Variants in BMS1 observed in about 807,000 individuals in gnomAD.
The protein encoded by BMS1 is ribosome biogenesis protein BMS1 homolog.
A neutral mutation model predicts 138.7 loss-of-function variants in BMS1; 53 were observed. That is an observed-to-expected ratio of 0.38 (90% CI 0.31 to 0.48). The LOEUF (loss-of-function observed/expected upper bound fraction) is 0.48, where lower values mean the gene tolerates loss of function less well. Among genes scored for constraint, BMS1 ranks in the 20% least tolerant of loss-of-function variants. The pLI is 0.97. For synonymous variants in BMS1, 504 were observed against 539.9 expected (o/e 0.93, Z 0.92); for missense variants, 1,360 against 1,565.5 (o/e 0.87, Z 2.22).
At chr10:42,794,522 G>A (rs1351729946) in intron 9 of BMS1, among the ~76,000 whole-genome samples, 1 of 150,758 alleles carries the variant, frequency 6.6e-6, no homozygotes, top group South Asian at 2.1e-4. Flanking sequence ...ATGACTCCCA[G>A]TAAAATTTAT....
chr10:42,784,205 G>T (rs1841249154), intron 1 of BMS1, among the ~76,000 whole-genome samples, 157 bp from the exon 2 acceptor site: 1 of 152,190 alleles, frequency 6.6e-6, no homozygotes, highest in Non-Finnish European at 1.5e-5. Context: ...AGAGAGAAAT[G>T]AAATTGGGGA....
At chr10:42,788,622 C>T (rs1009816692) in intron 4 of BMS1, among the ~76,000 whole-genome samples, 8 of 152,210 alleles carry the variant, frequency 5.3e-5, no homozygotes, top group Non-Finnish European at 8.8e-5. Flanking sequence ...ACCTTTCCCT[C>T]TTTGTCCCTC....
In BMS1 at chr10:42,797,037, C is replaced by T. The variant is rs1294237401; in HGVS notation, c.1793C>T (p.Ser598Phe). ...FASEDESEES[S>F]SLSAEEEDSE... ...TCTGAAGATGAATCTGAAGAAAGCT[C>T]CTCACTCAGTGCAGAGGAAGAAGAC... The change falls in exon 10 of 23, where the codon TCC becomes TTC. Residue 598 changes from serine (S) to phenylalanine (F), a missense_variant. Transcript: ENST00000374518. 1.2e-6 allele frequency: 2 copies of T among 1,613,962 alleles called. No individual in the cohort carries two copies. The highest frequency in any genetic ancestry group is 1.3e-5 in the African/African-American group (1 of 74,896).
chr10:42,834,100 G>A lies in BMS1; in HGVS notation c.*3004G>A, dbSNP rs888975243. 11 of 152,086 alleles carry A rather than the reference G, an allele frequency of 7.2e-5. No homozygotes were observed. Among genetic ancestry groups the A allele is most frequent in the African/African-American group, 2.7e-4 (11 of 41,394 alleles). 9.4% of individuals were successfully genotyped at this position (152,086 alleles called of 1,614,324 possible). The stretch of plus-strand genomic sequence containing the variant: ...CTGTTATACCTTTTCTATTTACTAG[G>A]CACAGGCAGCCATAGGTGCTAGGTA... On this transcript the variant is annotated 3_prime_UTR_variant, in exon 23 of 23. Coordinates refer to ENST00000374518, the MANE Select transcript of BMS1 (RefSeq NM_014753.4).
At chr10:42,801,046 A>C (rs1841860044) in intron 12 of BMS1, among the ~76,000 whole-genome samples, 1 of 152,140 alleles carries the variant, frequency 6.6e-6, no homozygotes, top group Admixed American at 6.5e-5. Flanking sequence ...ATTCTTTATC[A>C]ATTCTTGCTC....
Position 42,791,670 on chromosome 10 carries a change from A to T in BMS1, c.680A>T (p.Tyr227Phe). Residue 227 changes from tyrosine (Y) to phenylalanine (F), a missense_variant, in exon 6 of 23, where the codon TAT becomes TTT. Tyr to Phe is a conservative substitution (Grantham distance 22, BLOSUM62 3). Around this residue, in one of 3 missense-constraint regions of BMS1, gnomAD observed 238 missense variants for 311.1 expected, o/e 0.77. Transcript: ENST00000374518. ...FYLSGMVHGE[Y>F]QNQEIHNLGR... ...CTTTCTGGAATGGTGCATGGAGAAT[A>T]TCAAAACCAAGAAATCCACAATCTG... 6.2e-7 allele frequency: 1 copy of T among 1,613,776 alleles called. No individual in the cohort carries two copies. Among genetic ancestry groups the T allele is most frequent in the East Asian group, 2.2e-5 (1 of 44,878 alleles).
At position 42,802,202 on chromosome 10, in the gene BMS1, G is replaced by C; in HGVS notation, c.2313G>C (p.Lys771Asn). 1 of 1,613,114 alleles carries C rather than the reference G, an allele frequency of 6.2e-7. No homozygotes were observed. The highest frequency in any genetic ancestry group is 8.5e-7 in the Non-Finnish European group (1 of 1,179,456). ...GGGAAGATGATAAAGATGCAGCCAA[G>C]GTCTTAGCAGAAGATGGTAAGTAAA... is the stretch of plus-strand genomic sequence containing the variant. ...GKWEDDKDAA[K>N]VLAEDEELYG... Residue 771 changes from lysine (K) to asparagine (N), a missense_variant, in exon 13 of 23, where the codon AAG becomes AAC. Lys to Asn is a moderately conservative substitution (Grantham distance 94). This residue lies in a region of BMS1 where 697 missense variants were observed against 686.2 expected (regional missense o/e 1.02). Coordinates refer to ENST00000374518, the MANE Select transcript of BMS1 (RefSeq NM_014753.4).
At chr10:42,829,080 G>A (rs1168431033) in intron 21 of BMS1, among the ~76,000 whole-genome samples, 5 of 152,124 alleles carry the variant, frequency 3.3e-5, no homozygotes, top group African/African-American at 7.2e-5. Context: ...AAAGCCTAGG[G>A]CAAAACTTTC....
chr10:42,786,603 T>G (rs568226339), intron 3 of BMS1, among the ~76,000 whole-genome samples: 1 of 151,406 alleles, frequency 6.6e-6, no homozygotes, highest in Non-Finnish European at 1.5e-5. Flanking sequence ...TTTTTTTTTT[T>G]CTGTAGAGAT....
chr10:42,786,106 T>C (rs553759640), intron 3 of BMS1, among the ~76,000 whole-genome samples: 2 of 152,356 alleles, frequency 1.3e-5, no homozygotes, highest in South Asian at 4.1e-4. Context: ...TGACTGCTCT[T>C]TGGCTTTGCC....
At chr10:42,828,839 G>A (rs1002889236) in intron 21 of BMS1, among the ~76,000 whole-genome samples, 1 of 152,108 alleles carries the variant, frequency 6.6e-6, no homozygotes, top group Non-Finnish European at 1.5e-5. Flanking sequence ...TTTATATAAA[G>A]TAGTTAATGA....
At chr10:42,822,278 T>G (rs2795531) in intron 19 of BMS1, 94 bp downstream of exon 19, 607,927 of 709,900 alleles carry the variant, frequency 0.86, 261,124 homozygotes, top group African/African-American at 0.95. Context: ...CATATTTTTA[T>G]AAAAGTGTTT....
intron 12 of BMS1, among the ~76,000 whole-genome samples, chr10:42,800,341 G>A (rs1841832127): frequency 6.6e-6 from 1 of 152,080 alleles, no homozygotes; most frequent in South Asian, 2.1e-4. Context: ...TCCTTTTAAT[G>A]CTGTTAGATG....
intron 13 of BMS1, among the ~76,000 whole-genome samples, chr10:42,802,778 TAAA>T (rs959490030): frequency 3.1e-4 from 46 of 150,756 alleles, no homozygotes; most frequent in Non-Finnish European, 5.2e-4. Context: ...TATTTAAAAT[TAAA>T]AAATATTTTA....
intron 15 of BMS1, among the ~76,000 whole-genome samples, chr10:42,817,744 T>A (rs1444113990): frequency 6.6e-6 from 1 of 152,190 alleles, no homozygotes. Context: ...GAAACAGAAA[T>A]GACTGAGACA....
intron 1 of BMS1, among the ~76,000 whole-genome samples, chr10:42,783,160 G>A (rs1841210470): frequency 6.6e-6 from 1 of 152,072 alleles, no homozygotes; most frequent in Admixed American, 6.5e-5. Flanking sequence ...GACAGGGAGA[G>A]AAACATTAGT....
intron 2 of BMS1, among the ~76,000 whole-genome samples, chr10:42,785,185 A>G (rs1336480292): frequency 6.6e-6 from 1 of 152,232 alleles, no homozygotes; most frequent in African/African-American, 2.4e-5. Context: ...AACTATTAAA[A>G]TCACTCTTAA....
At chr10:42,824,743 G>A (rs1359579295) in intron 21 of BMS1, among the ~76,000 whole-genome samples, 5 of 152,146 alleles carry the variant, frequency 3.3e-5, no homozygotes, top group South Asian at 2.1e-4. Context: ...TGAAGAGACT[G>A]TCTTTTTTAC....
intron 13 of BMS1, among the ~76,000 whole-genome samples, chr10:42,806,544 G>T (rs1234411713): frequency 1.3e-5 from 2 of 152,048 alleles, no homozygotes; most frequent in African/African-American, 4.8e-5. Flanking sequence ...AGACCAGCCT[G>T]GCCAACATGG....
Sources: gnomAD v4.1 joint callset for allele counts (sites outside exome capture counted in the v4.1 genomes callset) on GRCh38, gnomAD v4.1.1 for gene constraint, gnomAD v4.1.1 regional missense constraint, MANE v1.5 for transcripts, NCBI Gene and HGNC (gene_info 2026-07-23, HGNC 2026-07-21) for gene names.